The following PAX4 variants were observed in gnomAD, a reference collection of about 807,000 sequenced individuals.
The protein encoded by PAX4 is paired box 4, also known as paired box protein Pax-4.
A neutral mutation model predicts 40.6 loss-of-function variants in PAX4; 33 were observed. The ratio of observed to expected loss-of-function variants is 0.81; its 90% CI spans 0.62 to 1.09. The LOEUF (loss-of-function observed/expected upper bound fraction) is 1.09. PAX4 is among the 50% of genes least tolerant of loss of function. PAX4 has a pLI of 0.00. For synonymous variants in PAX4, 174 were observed against 170.6 expected (o/e 1.02, Z -0.16); for missense variants, 459 against 442.5 (o/e 1.04, Z -0.33).
At chr7:127,616,370 GCTC>G (rs758181247) in intron 2 of PAX4, among the ~76,000 whole-genome samples, 12 of 152,146 alleles carry the variant, frequency 7.9e-5, no homozygotes, top group Non-Finnish European at 1.8e-4. Flanking sequence ...GTCTCCAGCT[GCTC>G]CTAAGCCTTC....
At position 127,615,544 on chromosome 7, in the gene PAX4, C is replaced by G; in HGVS notation, c.14-13G>C. Reference sequence around the variant, plus strand: ...ATGCTGCTGATCCCTGGGCGTGAGACAGAGGTATCCACACACCACCTCTCC... The same window carrying G: ...ATGCTGCTGATCCCTGGGCGTGAGAGAGAGGTATCCACACACCACCTCTCC... On this transcript the variant is annotated splice_polypyrimidine_tract_variant and intron_variant, in intron 3 of 11. Transcript: ENST00000639438. 1 of 1,613,574 alleles carries G rather than the reference C, an allele frequency of 6.2e-7. No homozygotes were observed. Among genetic ancestry groups the G allele is most frequent in the Non-Finnish European group, 8.5e-7 (1 of 1,179,926 alleles).
rs1423908867 is a variant in PAX4 at position 127,611,865 on chromosome 7, C to T, written c.771+80G>A. Reference sequence around the variant, plus strand: ...TGTGGGGCCCTGGAGAGCCGGAGATCCTGGCTCAGGCCAGAAATGGAAGAG... The same window carrying T: ...TGTGGGGCCCTGGAGAGCCGGAGATTCTGGCTCAGGCCAGAAATGGAAGAG... On this transcript the variant is annotated intron_variant, in intron 10 of 11. Coordinates refer to ENST00000639438, the MANE Select transcript of PAX4 (RefSeq NM_001366110.1). 3 of 1,605,134 alleles carry T rather than the reference C, an allele frequency of 1.9e-6. No homozygotes were observed. In the South Asian group the frequency reaches 3.3e-5, roughly 18 times the overall value.
At chr7:127,613,427 A>G in intron 8 of PAX4, 23 bp downstream of exon 8, 2 of 1,609,930 alleles carry the variant, frequency 1.2e-6, no homozygotes, top group Non-Finnish European at 1.7e-6. Context: ...TGTGGTTTGT[A>G]CAGTGTTGCA....
chr7:127,615,054 G>A lies in PAX4; in HGVS notation c.186C>T (p.Tyr62=), dbSNP rs1347148169. Residue 62 remains tyrosine, a synonymous_variant, in exon 5 of 12, where the codon TAC becomes TAT. Coordinates refer to ENST00000639438, the MANE Select transcript of PAX4 (RefSeq NM_001366110.1). ...CCTTTGGCTCCAAGACACCTGTGCG[G>A]TAGTAACGCCCTAGGATCTTGCTCA... is the stretch of plus-strand genomic sequence containing the variant. The part of the protein sequence containing the change: ...GCVSKILGRY[Y]RTGVLEPKGI... 1.2e-6 allele frequency: 2 copies of A among 1,614,090 alleles called. No individual in the cohort carries two copies. The highest frequency in any genetic ancestry group is 2.2e-5 in the East Asian group (1 of 44,892).
At chr7:127,616,880 G>T (rs327513) in intron 2 of PAX4, among the ~76,000 whole-genome samples, 1 of 152,230 alleles carries the variant, frequency 6.6e-6, no homozygotes, top group African/African-American at 2.4e-5. Flanking sequence ...TCTCTGAGCA[G>T]CAAGGGACAC....
At position 127,610,843 on chromosome 7, in the gene PAX4, C is replaced by T. The variant is rs781049909; in HGVS notation, c.*221G>A. The T allele has an allele frequency of 8.5e-6, 13 of 1,534,888 alleles. No homozygotes were observed. In the South Asian group the frequency reaches 9.5e-5, roughly 11 times the overall value. On this transcript the variant is annotated 3_prime_UTR_variant, in exon 12 of 12. Transcript: ENST00000639438. ...GCTTTTATTACTGCTGAGTGGAGGC[C>T]TCTTAAGGCTAGTGTGAGAAGTGGG... is the stretch of plus-strand genomic sequence containing the variant.
In PAX4 at chr7:127,613,585, G is replaced by A. The variant is rs969347556; in HGVS notation, c.563-53C>T. On this transcript the variant is annotated intron_variant, in intron 7 of 11. Transcript: ENST00000639438. ...GGGCACCGGGAGAGGAGCAAGGCAT[G>A]GGTCTCCCCTTAGGCAACACTCCCC... 9 of 1,593,684 alleles carry A rather than the reference G, an allele frequency of 5.6e-6. No homozygotes were observed. The East Asian group carries it at 2.0e-4, about 36-fold the overall frequency.
At chr7:127,614,402 AG>A in intron 6 of PAX4, 79 bp downstream of exon 6, 1 of 1,157,420 alleles carries the variant, frequency 8.6e-7, no homozygotes, top group South Asian at 1.3e-5. Flanking sequence ...GATCCAAGAA[AG>A]AACGAGAAAG....
intron 8 of PAX4, 101 bp downstream of exon 8, chr7:127,613,349 C>T (rs769088200): frequency 3.3e-6 from 4 of 1,194,568 alleles, no homozygotes; most frequent in Non-Finnish European, 5.0e-6. Context: ...AATTTGCTTC[C>T]AATTTCTCAC....
chr7:127,613,737 A>G lies in PAX4; in HGVS notation c.562+19T>C, dbSNP rs777932742. 1.9e-6 allele frequency: 3 copies of G among 1,613,576 alleles called. No homozygotes were observed. Among genetic ancestry groups the G allele is most frequent in the South Asian group, 2.2e-5 (2 of 91,048 alleles). ...CACACTGAGGACTCTCTGACCCTCC[A>G]TCTGTCCCAGCCCAGCACCTTTCTC... On this transcript the variant is annotated intron_variant, in intron 7 of 11. Coordinates refer to ENST00000639438, the MANE Select transcript of PAX4 (RefSeq NM_001366110.1).
intron 8 of PAX4, 21 bp downstream of exon 8, chr7:127,613,429 A>G (rs1212882634): frequency 4.3e-6 from 7 of 1,610,876 alleles, no homozygotes; most frequent in Non-Finnish European, 5.1e-6. Context: ...TGGTTTGTAC[A>G]GTGTTGCAGA....
chr7:127,613,373 C>A, intron 8 of PAX4, 77 bp downstream of exon 8: 1 of 1,405,552 alleles, frequency 7.1e-7, no homozygotes, highest in Non-Finnish European at 1.0e-6. Context: ...CCCTCTCCAC[C>A]TCATTGGAAC....
chr7:127,615,192 C>G lies in PAX4; in HGVS notation c.145-97G>C, dbSNP rs774581985. 3.7e-6 allele frequency: 6 copies of G among 1,604,372 alleles called. No homozygotes were observed. The East Asian group carries it at 6.7e-5, about 18-fold the overall frequency. On this transcript the variant is annotated intron_variant, in intron 4 of 11. Coordinates refer to ENST00000639438, the MANE Select transcript of PAX4 (RefSeq NM_001366110.1). ...AGGAGGCTATAAGACAAAGCCAAGACTTACTGGACCAGGCCATGAAGTCGG... is the reference window on the plus strand; with the variant it reads ...AGGAGGCTATAAGACAAAGCCAAGAGTTACTGGACCAGGCCATGAAGTCGG...
chr7:127,615,520 T>A lies in PAX4; in HGVS notation c.25A>T (p.Met9Leu), dbSNP rs1794711011. 1 of 1,614,100 alleles carries A rather than the reference T, an allele frequency of 6.2e-7. No individual in the cohort carries two copies. MHQDGISS[M>L]NQLGGLFVNG... ...ACAAAGAGCCCCCCAAGCTGGTTCA[T>A]GCTGCTGATCCCTGGGCGTGAGACA... The change falls in exon 4 of 12, where the codon ATG (methionine) becomes TTG (leucine). Residue 9 changes from methionine (M) to leucine (L), a missense_variant. By Grantham distance (15) the Met-to-Leu change is conservative. Coordinates refer to ENST00000639438, the MANE Select transcript of PAX4 (RefSeq NM_001366110.1).
Position 127,614,572 on chromosome 7 carries a change from G to A in PAX4, c.361-15C>T. The A allele has an allele frequency of 1.3e-6, 2 of 1,578,810 alleles. No homozygotes were observed. Among genetic ancestry groups the A allele is most frequent in the Non-Finnish European group, 1.7e-6 (2 of 1,160,186 alleles). ...ATGGAGGAGACCTGGGAGTGTCAGGGTGTTGAGTGGAGAGATGGTGCTCAG... is the reference window on the plus strand; with the variant it reads ...ATGGAGGAGACCTGGGAGTGTCAGGATGTTGAGTGGAGAGATGGTGCTCAG... On this transcript the variant is annotated splice_polypyrimidine_tract_variant and intron_variant, in intron 5 of 11. Transcript: ENST00000639438.
rs1174854006 is a variant in PAX4 at position 127,611,973 on chromosome 7, C to T, written c.743G>A (p.Arg248Lys). 6.2e-7 allele frequency: 1 copy of T among 1,613,966 alleles called. No individual in the cohort carries two copies. Reference protein sequence around the residue: ...PGASQGLTVPRVAPGIISAQQ... With the variant: ...PGASQGLTVPKVAPGIISAQQ... Reference sequence around the variant, plus strand: ...TGCAGAGATGATTCCTGGGGCAACCCTTGGTACAGTCAGCCCCTGGGAAGC... The same window carrying T: ...TGCAGAGATGATTCCTGGGGCAACCTTTGGTACAGTCAGCCCCTGGGAAGC... Residue 248 changes from arginine to lysine, a missense_variant, in exon 10 of 12, where the codon AGG becomes AAG. Transcript: ENST00000639438.
chr7:127,617,163 T>A (rs1794734525), intron 2 of PAX4, 112 bp downstream of exon 2: 1 of 152,152 alleles, frequency 6.6e-6, no homozygotes, highest in African/African-American at 2.4e-5. Flanking sequence ...CTCCAACACA[T>A]TACAGAGCAA....
chr7:127,615,077 T>C lies in PAX4; in HGVS notation c.163A>G (p.Ser55Gly), dbSNP rs1730744074. ...RILKVSNGCV[S>G]KILGRYYRTG... Reference sequence around the variant, plus strand: ...CGGTAGTAACGCCCTAGGATCTTGCTCACACAGCCATTAGATACCTGAGTC... The same window carrying C: ...CGGTAGTAACGCCCTAGGATCTTGCCCACACAGCCATTAGATACCTGAGTC... Residue 55 changes from serine (S) to glycine (G), a missense_variant, in exon 5 of 12, where the codon AGC becomes GGC. Physicochemically the swap from Ser to Gly is moderately conservative, Grantham distance 56. Coordinates refer to ENST00000639438, the MANE Select transcript of PAX4 (RefSeq NM_001366110.1). 6.2e-7 allele frequency: 1 copy of C among 1,614,020 alleles called. No individual in the cohort carries two copies. The highest frequency in any genetic ancestry group is 1.3e-5 in the African/African-American group (1 of 74,914).
intron 9 of PAX4, among the ~76,000 whole-genome samples, chr7:127,612,250 CTG>C (rs1794639585): frequency 6.6e-6 from 1 of 152,214 alleles, no homozygotes; most frequent in Non-Finnish European, 1.5e-5. Flanking sequence ...AGATCCGGGA[CTG>C]TGTGTGCCCA....
Sources: allele counts gnomAD v4.1 joint callset (sites outside exome capture counted in the v4.1 genomes callset), GRCh38; gene constraint gnomAD v4.1.1; transcripts MANE v1.5; gene names NCBI Gene and HGNC (gene_info 2026-07-23, HGNC 2026-07-21).